The following RAB5A variants were observed in gnomAD, a reference collection of about 807,000 sequenced individuals.
RAB5A encodes the protein ras-related protein Rab-5A.
Under a neutral mutation model 25.7 loss-of-function variants are expected in RAB5A, and 8 were observed. The observed-to-expected ratio is 0.31, with a 90% CI of 0.18 to 0.56. The LOEUF is 0.56. Ranked by LOEUF, RAB5A falls within the 20% of genes least tolerant of loss-of-function variation. The pLI, the probability that RAB5A is intolerant of heterozygous loss-of-function variation, is 0.91. For missense variants in RAB5A, 192 were observed against 259.7 expected, an observed-to-expected ratio of 0.74 and a Z score of 1.79; for synonymous variants, 98 against 89.8, an observed-to-expected ratio of 1.09 and a Z score of -0.52.
In RAB5A at chr3:19,975,772, A is replaced by C; in HGVS notation, c.315+20A>C. The C allele has an allele frequency of 1.3e-6, 2 of 1,582,610 alleles. No homozygotes were observed. Among genetic ancestry groups the C allele is most frequent in the Non-Finnish European group, 1.7e-6 (2 of 1,165,308 alleles). ...AATGAGGTAAGTATGGATGCATTCC[A>C]CAGTAAAACTAATTTGAGTACCCAC... On this transcript the variant is annotated intron_variant, in intron 3 of 5. Coordinates refer to ENST00000273047, the MANE Select transcript of RAB5A (RefSeq NM_004162.5).
Position 19,965,388 on chromosome 3 carries a change from C to G in RAB5A, c.164-10213C>G, listed in dbSNP as rs561917468. Among the ~76,000 whole-genome samples, 5 of 151,082 alleles carry G rather than the reference C, an allele frequency of 3.3e-5. No homozygotes were observed. The East Asian group carries it at 9.8e-4, about 30-fold the overall frequency. On this transcript the variant is annotated intron_variant, in intron 2 of 5. Coordinates refer to ENST00000273047, the MANE Select transcript of RAB5A (RefSeq NM_004162.5). ...AGTGAACTATGATTACACCACTGCC[C>G]CAACCTGGGTGACAGTGGGAGACCC... is the stretch of plus-strand genomic sequence containing the variant.
intron 2 of RAB5A, among the ~76,000 whole-genome samples, chr3:19,961,180 C>G (rs895753428): frequency 6.6e-6 from 1 of 152,156 alleles, no homozygotes; most frequent in African/African-American, 2.4e-5. Context: ...ATTCCTAGAA[C>G]TTAAACAGGA....
chr3:19,959,444 T>TTATA (rs757978782), intron 2 of RAB5A, among the ~76,000 whole-genome samples: 33 of 111,156 alleles, frequency 3.0e-4, no homozygotes, highest in African/African-American at 6.5e-4. Flanking sequence ...ATGTACTAAT[T>TTATA]TATATATATA....
intron 2 of RAB5A, among the ~76,000 whole-genome samples, chr3:19,958,152 C>A (rs1181039728): frequency 2.6e-5 from 4 of 152,112 alleles, no homozygotes. Context: ...GTTTTTGATT[C>A]GTGAGAAAAA....
At chr3:19,982,405 C>T (rs1026419170) in intron 5 of RAB5A, among the ~76,000 whole-genome samples, 3 of 152,170 alleles carry the variant, frequency 2.0e-5, no homozygotes, top group African/African-American at 7.2e-5. Context: ...TAAGTTTTGA[C>T]ACATGCAGGC....
chr3:19,977,132 C>T (rs576013048), intron 4 of RAB5A, among the ~76,000 whole-genome samples: 5 of 149,332 alleles, frequency 3.3e-5, no homozygotes, highest in Middle Eastern at 3.5e-3. Context: ...AGTGCAGTGG[C>T]GCAATCTCAA....
intron 5 of RAB5A, 37 bp from the exon 6 acceptor site, chr3:19,983,669 GTA>G: frequency 7.7e-7 from 1 of 1,303,328 alleles, no homozygotes; most frequent in Non-Finnish European, 1.1e-6. Flanking sequence ...ATTAATATGA[GTA>G]TTCAAATATT....
chr3:19,965,920 A>G (rs1457362723), intron 2 of RAB5A, among the ~76,000 whole-genome samples: 10 of 151,606 alleles, frequency 6.6e-5, no homozygotes, highest in Non-Finnish European at 1.0e-4. Context: ...AGTAGAAACG[A>G]TTTCTCCATG....
intron 2 of RAB5A, among the ~76,000 whole-genome samples, chr3:19,962,081 G>A (rs1480477060): frequency 2.0e-5 from 3 of 152,116 alleles, no homozygotes; most frequent in African/African-American, 7.2e-5. Context: ...CTATTGGTTG[G>A]GACCTCAGAT....
At chr3:19,955,295 A>G (rs771437756) in intron 2 of RAB5A, among the ~76,000 whole-genome samples, 2 of 152,220 alleles carry the variant, frequency 1.3e-5, no homozygotes, top group Non-Finnish European at 2.9e-5. Context: ...GGAACTGTAC[A>G]TGAAAATAAC....
At chr3:19,968,868 C>G (rs532236750) in intron 2 of RAB5A, among the ~76,000 whole-genome samples, 45 of 152,292 alleles carry the variant, frequency 3.0e-4, no homozygotes, top group African/African-American at 1.1e-3. Flanking sequence ...TACCTACTCT[C>G]CTGCCCTCAC....
chr3:19,961,802 C>T (rs1696589088), intron 2 of RAB5A, among the ~76,000 whole-genome samples: 1 of 152,230 alleles, frequency 6.6e-6, no homozygotes, highest in African/African-American at 2.4e-5. Flanking sequence ...ATACTCAAAT[C>T]TATATATTCT....
intron 3 of RAB5A, 38 bp from the exon 4 acceptor site, chr3:19,976,009 T>C (rs1483877162): frequency 1.3e-6 from 2 of 1,588,080 alleles, no homozygotes; most frequent in South Asian, 1.2e-5. Context: ...TAACCATTTT[T>C]TGAGCCTGTG....
intron 4 of RAB5A, 21 bp from the exon 5 acceptor site, chr3:19,978,289 C>T (rs1696858104): frequency 6.6e-7 from 1 of 1,506,656 alleles, no homozygotes. Flanking sequence ...TCATATATCT[C>T]ATTTTTTGTT....
At chr3:19,952,218 T>C (rs1696434723) in intron 2 of RAB5A, among the ~76,000 whole-genome samples, 1 of 152,186 alleles carries the variant, frequency 6.6e-6, no homozygotes, top group Non-Finnish European at 1.5e-5. Context: ...CCTATAATTA[T>C]ATAGCAGTGG....
chr3:19,949,159 T>G lies in RAB5A; in HGVS notation c.-94+1638T>G, dbSNP rs1323186682. 3.3e-5 allele frequency among the ~76,000 whole-genome samples: 5 copies of G among 152,322 alleles called. 1 individual carries two copies. The East Asian group carries it at 9.6e-4, about 29-fold the overall frequency. Reference sequence around the variant, plus strand: ...TGGTATGTTTGTGGAGGAGGGGGCATTTTTATTTATACCTTGTTATTTGGA... The same window carrying G: ...TGGTATGTTTGTGGAGGAGGGGGCAGTTTTATTTATACCTTGTTATTTGGA... On this transcript the variant is annotated intron_variant, in intron 1 of 5. Transcript: ENST00000273047.
intron 2 of RAB5A, 107 bp downstream of exon 2, chr3:19,951,168 TGAA>T (rs1696417219): frequency 1.5e-6 from 2 of 1,293,610 alleles, no homozygotes; most frequent in Admixed American, 4.5e-5. Context: ...AGTCATAGAG[TGAA>T]GAAAAGAGCT....
intron 2 of RAB5A, among the ~76,000 whole-genome samples, chr3:19,973,958 C>A (rs1696787142): frequency 6.6e-6 from 1 of 151,912 alleles, no homozygotes; most frequent in African/African-American, 2.4e-5. Context: ...AATTCTTTTG[C>A]ATAATATGAC....
chr3:19,969,555 C>T (rs980382399), intron 2 of RAB5A, among the ~76,000 whole-genome samples: 1 of 152,162 alleles, frequency 6.6e-6, no homozygotes, highest in African/African-American at 2.4e-5. Context: ...AAATTTTTCT[C>T]ATTAGGTTTG....
Sources: allele counts gnomAD v4.1 joint callset (sites outside exome capture counted in the v4.1 genomes callset), GRCh38; gene constraint gnomAD v4.1.1; transcripts MANE v1.5; gene names NCBI Gene and HGNC (gene_info 2026-07-23, HGNC 2026-07-21).